Variants in AFG2A observed in about 807,000 individuals in gnomAD.
The protein encoded by AFG2A is AAA ATPase AFG2A.
the AFG2A span, among the ~76,000 whole-genome samples, chr4:123,194,832 G>C: frequency 6.6e-6 from 1 of 152,170 alleles, no homozygotes; most frequent in African/African-American, 2.4e-5. Flanking sequence ...AGCAGGTGTA[G>C]AAGTAGTAAT....
At chr4:123,004,199 G>A in the AFG2A span, among the ~76,000 whole-genome samples, 1 of 152,160 alleles carries the variant, frequency 6.6e-6, no homozygotes, top group African/African-American at 2.4e-5. Context: ...CAATTTTCCA[G>A]GTGCCCTCTG....
At chr4:122,932,894 G>A in the AFG2A span, among the ~76,000 whole-genome samples, 1 of 152,208 alleles carries the variant, frequency 6.6e-6, no homozygotes, top group Non-Finnish European at 1.5e-5. Context: ...AGAGAGTGAA[G>A]TAAGTTATTA....
At chr4:122,975,259 T>C in the AFG2A span, among the ~76,000 whole-genome samples, 1 of 151,294 alleles carries the variant, frequency 6.6e-6, no homozygotes. Flanking sequence ...GAACGTTGTG[T>C]CCTCACATAG....
chr4:123,006,485 C>A, the AFG2A span, among the ~76,000 whole-genome samples: 1 of 151,936 alleles, frequency 6.6e-6, no homozygotes, highest in South Asian at 2.1e-4. Flanking sequence ...TTTGCTCTTT[C>A]CTCTCTCACT....
the AFG2A span, among the ~76,000 whole-genome samples, chr4:123,141,595 A>G: frequency 3.3e-5 from 5 of 152,220 alleles, no homozygotes; most frequent in Non-Finnish European, 7.3e-5. Context: ...GGGCTAAGCT[A>G]TGATGTTCAG....
At chr4:123,007,514 T>G in the AFG2A span, among the ~76,000 whole-genome samples, 1 of 149,112 alleles carries the variant, frequency 6.7e-6, no homozygotes, top group African/African-American at 2.5e-5. Flanking sequence ...TCTTGCCTAT[T>G]AAATTCTCCA....
chr4:122,979,500 A>G, the AFG2A span: 1 of 1,254,364 alleles, frequency 8.0e-7, no homozygotes, highest in Non-Finnish European at 1.1e-6. Context: ...ATTTTTCTTA[A>G]TTGAAAGTTT....
At chr4:123,008,232 GAGC>G in the AFG2A span, among the ~76,000 whole-genome samples, 1 of 152,168 alleles carries the variant, frequency 6.6e-6, no homozygotes, top group Non-Finnish European at 1.5e-5. Context: ...ACGGCAAGAT[GAGC>G]AGCAAGAGAG....
the AFG2A span, among the ~76,000 whole-genome samples, chr4:122,998,979 T>G: frequency 1.3e-5 from 2 of 151,964 alleles, no homozygotes; most frequent in Non-Finnish European, 2.9e-5. Flanking sequence ...ACCTGTTGTT[T>G]CCTGACTTTT....
chr4:123,259,116 C>T, the AFG2A span, among the ~76,000 whole-genome samples: 3 of 152,180 alleles, frequency 2.0e-5, no homozygotes, highest in African/African-American at 7.2e-5. Flanking sequence ...ATCCGCCCAC[C>T]TTGGCCTCCC....
chr4:123,301,596 CATAAA>C, the AFG2A span, among the ~76,000 whole-genome samples: 1 of 152,120 alleles, frequency 6.6e-6, no homozygotes, highest in African/African-American at 2.4e-5. Flanking sequence ...GTATGACATG[CATAAA>C]ATAAGTGTAA....
chr4:123,047,396 C>T, the AFG2A span, among the ~76,000 whole-genome samples: 1 of 29,438 alleles, frequency 3.4e-5, no homozygotes, highest in African/African-American at 6.4e-5. Flanking sequence ...TTCTTTTGCG[C>T]ATTTTTTTAT....
At chr4:122,950,340 A>ATT in the AFG2A span, among the ~76,000 whole-genome samples, 458 of 142,800 alleles carry the variant, frequency 3.2e-3, 4 homozygotes, top group African/African-American at 7.8e-3. Context: ...GTCATTGTTA[A>ATT]TTTTTTTTTT....
At chr4:122,962,504 C>T in the AFG2A span, among the ~76,000 whole-genome samples, 1 of 152,074 alleles carries the variant, frequency 6.6e-6, no homozygotes, top group East Asian at 1.9e-4. Flanking sequence ...TTTTGCTACT[C>T]ATTTGAGATG....
the AFG2A span, among the ~76,000 whole-genome samples, chr4:123,178,026 T>C: frequency 6.6e-6 from 1 of 152,244 alleles, no homozygotes; most frequent in South Asian, 2.1e-4. Context: ...TGTCATCAAA[T>C]TGTTTAATCA....
At chr4:123,079,745 C>CTTT in the AFG2A span, among the ~76,000 whole-genome samples, 2,083 of 72,596 alleles carry the variant, frequency 0.029, 104 homozygotes, top group Non-Finnish European at 0.037. Context: ...TCTTTTCCTT[C>CTTT]TTTTTTTTTT....
the AFG2A span, among the ~76,000 whole-genome samples, chr4:123,105,218 C>G: frequency 6.6e-6 from 1 of 152,166 alleles, no homozygotes; most frequent in African/African-American, 2.4e-5. Context: ...TCTGCCTGTG[C>G]TCGATCAATG....
At chr4:123,264,112 A>G in the AFG2A span, among the ~76,000 whole-genome samples, 2 of 152,210 alleles carry the variant, frequency 1.3e-5, no homozygotes, top group Non-Finnish European at 2.9e-5. Flanking sequence ...ACTCAGAAAC[A>G]GAAACCCAAA....
At chr4:123,005,810 C>A in the AFG2A span, among the ~76,000 whole-genome samples, 1,847 of 152,252 alleles carry the variant, frequency 0.012, 43 homozygotes, top group African/African-American at 0.041. Context: ...CAATATATTT[C>A]TATTGTTCCC....
Sources: allele counts gnomAD v4.1 joint callset (sites outside exome capture counted in the v4.1 genomes callset), GRCh38; gene constraint gnomAD v4.1.1; transcripts MANE v1.5; gene names NCBI Gene and HGNC (gene_info 2026-07-23, HGNC 2026-07-21).